Variants in NRG1 observed in about 807,000 individuals in gnomAD.
NRG1 encodes the protein pro-neuregulin-1, membrane-bound isoform.
In NRG1, 18 loss-of-function variants were observed where a neutral mutation model predicts 63.8. That is an observed-to-expected ratio of 0.28 (90% CI 0.19 to 0.42). The LOEUF is 0.42. NRG1 is among the 10% of genes least tolerant of loss of function. The pLI is 1.00. For synonymous variants in NRG1, 302 were observed against 301.3 expected (o/e 1.00, Z -0.02); for missense variants, 762 against 814.7 (o/e 0.94, Z 0.79).
intron 5 of NRG1, among the ~76,000 whole-genome samples, chr8:32,641,347 C>T (rs77785560): frequency 0.013 from 2,021 of 152,166 alleles, 46 homozygotes; most frequent in African/African-American, 0.046. Flanking sequence ...TGAAAGTCAA[C>T]AACTCAGTTG....
chr8:32,456,367 G>T (rs1018260122), intron 1 of NRG1, among the ~76,000 whole-genome samples: 1 of 151,978 alleles, frequency 6.6e-6, no homozygotes, highest in African/African-American at 2.4e-5. Flanking sequence ...TTTTAAAAAG[G>T]ACCTGAGACA....
At chr8:31,923,122 GTC>G (rs1273735992) in intron 1 of NRG1, among the ~76,000 whole-genome samples, 1 of 152,072 alleles carries the variant, frequency 6.6e-6, no homozygotes, top group Non-Finnish European at 1.5e-5. Flanking sequence ...TGATGTTTTA[GTC>G]TCTCTTTTCT....
At chr8:32,685,696 A>G (rs1161753025) in intron 5 of NRG1, among the ~76,000 whole-genome samples, 1 of 152,226 alleles carries the variant, frequency 6.6e-6, no homozygotes, top group Non-Finnish European at 1.5e-5. Context: ...TGTGCTTCAC[A>G]CCATCTAGCT....
rs547453726 is a variant in NRG1, at chr8:31,912,814, G to A, written c.37+273383G>A. Reference sequence around the variant, plus strand: ...TGAGATCTGCTGGAGGGAAGCTACCGTTTAAACCCAGTCTCCATTATTTTA... The same window carrying A: ...TGAGATCTGCTGGAGGGAAGCTACCATTTAAACCCAGTCTCCATTATTTTA... On this transcript the variant is annotated intron_variant, in intron 1 of 10. Transcript: ENST00000519301. 3.9e-4 allele frequency among the ~76,000 whole-genome samples: 60 copies of A among 152,098 alleles called. No individual in the cohort carries two copies. The Middle Eastern group carries it at 0.01, about 26-fold the overall frequency.
chr8:32,357,603 T>G (rs1242772829), intron 1 of NRG1, among the ~76,000 whole-genome samples: 1 of 152,202 alleles, frequency 6.6e-6, no homozygotes, highest in Admixed American at 6.5e-5. Context: ...GTGTGGCCAT[T>G]TGTGCCCTTC....
At chr8:31,885,660 A>G (rs1830663451) in intron 1 of NRG1, among the ~76,000 whole-genome samples, 1 of 152,156 alleles carries the variant, frequency 6.6e-6, no homozygotes, top group Non-Finnish European at 1.5e-5. Context: ...CATAGCATCC[A>G]TAGTCATGCT....
At chr8:32,500,533 T>C (rs1171216821) in intron 1 of NRG1, among the ~76,000 whole-genome samples, 1 of 152,204 alleles carries the variant, frequency 6.6e-6, no homozygotes, top group Non-Finnish European at 1.5e-5. Context: ...TTTTCAAACA[T>C]GACACTGCAG....
intron 1 of NRG1, among the ~76,000 whole-genome samples, chr8:32,077,676 T>TAC (rs1826802025): frequency 6.6e-6 from 1 of 152,232 alleles, no homozygotes; most frequent in South Asian, 2.1e-4. Context: ...AGTGTAATTT[T>TAC]ACACTGAGTT....
intron 1 of NRG1, among the ~76,000 whole-genome samples, chr8:32,140,425 C>G (rs1022044838): frequency 2.0e-5 from 3 of 151,630 alleles, no homozygotes; most frequent in African/African-American, 7.3e-5. Flanking sequence ...CTTTGTTGCT[C>G]TTGTCTTCCC....
At chr8:32,107,105 G>A (rs1183406302) in intron 1 of NRG1, among the ~76,000 whole-genome samples, 1 of 152,036 alleles carries the variant, frequency 6.6e-6, no homozygotes, top group African/African-American at 2.4e-5. Flanking sequence ...GAGTGGTGGT[G>A]CGTGCCTGTA....
intron 5 of NRG1, among the ~76,000 whole-genome samples, chr8:32,624,765 T>C (rs1848915678): frequency 6.6e-6 from 1 of 152,158 alleles, no homozygotes. Flanking sequence ...AGTTTTGAAA[T>C]TAGAATGCAT....
chr8:32,396,035 A>G (rs191360048), intron 1 of NRG1, among the ~76,000 whole-genome samples: 1 of 152,152 alleles, frequency 6.6e-6, no homozygotes, highest in Non-Finnish European at 1.5e-5. Flanking sequence ...TAAATTGACT[A>G]TGTGTAAGTC....
At chr8:32,247,250 G>T (rs149479307) in intron 1 of NRG1, among the ~76,000 whole-genome samples, 1 of 151,916 alleles carries the variant, frequency 6.6e-6, no homozygotes, top group Non-Finnish European at 1.5e-5. Context: ...AAGTGACATC[G>T]GGACTCAAAG....
At chr8:31,819,083 G>C (rs986998208) in intron 1 of NRG1, among the ~76,000 whole-genome samples, 1 of 151,094 alleles carries the variant, frequency 6.6e-6, no homozygotes, top group East Asian at 1.9e-4. Flanking sequence ...AACTTAAAGA[G>C]TTATTTGAGC....
intron 1 of NRG1, among the ~76,000 whole-genome samples, chr8:31,870,325 T>C (rs1284619327): frequency 6.6e-6 from 1 of 152,124 alleles, no homozygotes; most frequent in Non-Finnish European, 1.5e-5. Context: ...AATTATGAGA[T>C]AGGTGTGATA....
At chr8:32,656,146 A>G (rs1368095549) in intron 5 of NRG1, among the ~76,000 whole-genome samples, 1 of 152,166 alleles carries the variant, frequency 6.6e-6, no homozygotes, top group Non-Finnish European at 1.5e-5. Flanking sequence ...GTGTGTATAC[A>G]TACATACATA....
chr8:32,015,928 A>G (rs1433433052), intron 1 of NRG1, among the ~76,000 whole-genome samples: 2 of 151,932 alleles, frequency 1.3e-5, no homozygotes, highest in South Asian at 2.1e-4. Flanking sequence ...GTTTTCAAAT[A>G]CAATATAAGA....
intron 1 of NRG1, among the ~76,000 whole-genome samples, chr8:32,251,390 AC>A (rs1313237959): frequency 3.4e-5 from 3 of 87,520 alleles, no homozygotes; most frequent in African/African-American, 1.3e-4. Context: ...CACAAACTCA[AC>A]CTTTTTTATG....
intron 1 of NRG1, among the ~76,000 whole-genome samples, chr8:31,817,054 G>A (rs1189891031): frequency 6.6e-6 from 1 of 152,080 alleles, no homozygotes; most frequent in Non-Finnish European, 1.5e-5. Flanking sequence ...TAGTTATAAG[G>A]TTATATCTTT....
Sources: gnomAD v4.1 joint callset for allele counts (sites outside exome capture counted in the v4.1 genomes callset) on GRCh38, gnomAD v4.1.1 for gene constraint, MANE v1.5 for transcripts, NCBI Gene and HGNC (gene_info 2026-07-23, HGNC 2026-07-21) for gene names.